The following HMGN3 variants were observed in gnomAD, a reference collection of about 807,000 sequenced individuals.
The protein encoded by HMGN3 is high mobility group nucleosome-binding domain-containing protein 3.
HMGN3 carries 6 observed loss-of-function variants against 18.8 expected under a neutral mutation model. The observed-to-expected ratio is 0.32, with a 90% CI of 0.18 to 0.63. The LOEUF (loss-of-function observed/expected upper bound fraction) is 0.63. Among genes scored for constraint, HMGN3 ranks in the 30% least tolerant of loss-of-function variants. The pLI is 0.79. For missense variants in HMGN3, 107 were observed against 114.2 expected (o/e 0.94, Z 0.29); for synonymous variants, 40 against 36.5 (o/e 1.10, Z -0.35).
chr6:79,216,422 G>A (rs1776986296), intron 1 of HMGN3, among the ~76,000 whole-genome samples: 1 of 152,070 alleles, frequency 6.6e-6, no homozygotes, highest in African/African-American at 2.4e-5. Context: ...AAAAATGTAC[G>A]CAAAACAAAG....
At chr6:79,201,782 A>G in intron 5 of HMGN3, 56 bp from the exon 7 acceptor site, 2 of 1,584,920 alleles carry the variant, frequency 1.3e-6, no homozygotes, top group Non-Finnish European at 1.7e-6. Context: ...TACTATAAGC[A>G]AAGGAAATTC....
At chr6:79,233,320 AGTGGGGTAGGAGACAAG>A (rs1341556048) in intron 1 of HMGN3, among the ~76,000 whole-genome samples, 2 of 152,242 alleles carry the variant, frequency 1.3e-5, no homozygotes, top group African/African-American at 4.8e-5. Context: ...ATTTTTAAAA[AGTGGGGTAGGAGACAAG>A]TTTCTACCCA....
At chr6:79,212,686 A>G (rs541195635) in intron 2 of HMGN3, among the ~76,000 whole-genome samples, 1 of 152,348 alleles carries the variant, frequency 6.6e-6, no homozygotes, top group Admixed American at 6.5e-5. Context: ...CTGAAGTACT[A>G]TCTTCTGCAC....
intron 3 of HMGN3, among the ~76,000 whole-genome samples, chr6:79,206,590 TG>T (rs1776431725): frequency 6.6e-6 from 1 of 152,208 alleles, no homozygotes; most frequent in Admixed American, 6.5e-5. Context: ...AGGCAGACGT[TG>T]TTGCAGAGGC....
intron 1 of HMGN3, among the ~76,000 whole-genome samples, chr6:79,225,574 T>C (rs1272557137): frequency 6.6e-6 from 1 of 152,240 alleles, no homozygotes; most frequent in Admixed American, 6.5e-5. Flanking sequence ...TATGCAAGCG[T>C]ATTTACATGT....
intron 1 of HMGN3, among the ~76,000 whole-genome samples, chr6:79,230,167 GTGA>G (rs1777771238): frequency 6.6e-6 from 1 of 152,098 alleles, no homozygotes; most frequent in Non-Finnish European, 1.5e-5. Context: ...ATCATGCTGA[GTGA>G]AAAAATCAGT....
chr6:79,218,254 G>C (rs1342979195), intron 1 of HMGN3, among the ~76,000 whole-genome samples: 1 of 152,120 alleles, frequency 6.6e-6, no homozygotes, highest in East Asian at 1.9e-4. Context: ...TGCTCAATTA[G>C]ATTTTAAGAC....
intron 4 of HMGN3, among the ~76,000 whole-genome samples, chr6:79,203,332 C>G (rs1356338668): frequency 1.3e-5 from 2 of 152,164 alleles, no homozygotes; most frequent in East Asian, 3.9e-4. Flanking sequence ...AGGCTGCTGC[C>G]AAACCCCCTT....
At chr6:79,207,803 G>C (rs1270633599) in intron 3 of HMGN3, among the ~76,000 whole-genome samples, 2 of 151,932 alleles carry the variant, frequency 1.3e-5, no homozygotes, top group Non-Finnish European at 2.9e-5. Context: ...GCTAGTATGG[G>C]GATATACTAA....
intron 1 of HMGN3, among the ~76,000 whole-genome samples, chr6:79,231,632 T>C (rs1429697313): frequency 1.3e-5 from 2 of 152,356 alleles, no homozygotes; most frequent in Non-Finnish European, 2.9e-5. Context: ...GATGATATTA[T>C]AGCCCTGAAG....
intron 4 of HMGN3, 148 bp from the exon 5 acceptor site, chr6:79,202,537 TG>T: frequency 1.5e-6 from 1 of 677,652 alleles, no homozygotes; most frequent in South Asian, 1.8e-5. Context: ...CTAATTTTGC[TG>T]GGTTTCAACT....
chr6:79,232,691 A>G (rs891492385), intron 1 of HMGN3, among the ~76,000 whole-genome samples: 4 of 152,056 alleles, frequency 2.6e-5, no homozygotes, highest in Non-Finnish European at 1.5e-5. Flanking sequence ...TTGAATAAAC[A>G]GCAAGGAAGG....
At chr6:79,234,437 C>G in intron 1 of HMGN3, 109 bp downstream of exon 1, 2 of 1,029,078 alleles carry the variant, frequency 1.9e-6, no homozygotes, top group Non-Finnish European at 3.0e-6. Flanking sequence ...GCAAAGATTC[C>G]CAATCCCCGG....
intron 1 of HMGN3, among the ~76,000 whole-genome samples, chr6:79,228,175 T>A (rs774826721): frequency 5.3e-5 from 8 of 152,212 alleles, no homozygotes; most frequent in Non-Finnish European, 1.2e-4. Context: ...TATCACTTTC[T>A]GGCATGAATT....
chr6:79,205,946 T>G (rs1776402819), intron 3 of HMGN3, among the ~76,000 whole-genome samples: 1 of 152,200 alleles, frequency 6.6e-6, no homozygotes, highest in African/African-American at 2.4e-5. Context: ...CTTGTTACGT[T>G]TTAGCAAAGA....
At chr6:79,206,847 C>T (rs996277198) in intron 3 of HMGN3, among the ~76,000 whole-genome samples, 22 of 152,198 alleles carry the variant, frequency 1.4e-4, no homozygotes, top group African/African-American at 5.1e-4. Flanking sequence ...GCCACAGGGG[C>T]GGAGTTACCC....
chr6:79,234,309 G>A (rs1319024093), intron 1 of HMGN3: 2 of 406,810 alleles, frequency 4.9e-6, no homozygotes, highest in Non-Finnish European at 8.8e-6. Flanking sequence ...AGTTCAAAAA[G>A]AAGGGAAACC....
Position 79,202,056 on chromosome 6 carries a change from C to A in HMGN3, c.261+220G>T. ...AAACATGCAGAATTTTCTACTGTACCCTTAACTCTCACTGTTTCAATCTGC... is the reference window on the plus strand; with the variant it reads ...AAACATGCAGAATTTTCTACTGTACACTTAACTCTCACTGTTTCAATCTGC... On this transcript the variant is annotated intron_variant, in intron 5 of 5. Coordinates refer to ENST00000344726, the Ensembl canonical transcript of HMGN3. 6.5e-7 allele frequency: 1 copy of A among 1,536,564 alleles called. No individual in the cohort carries two copies. Among genetic ancestry groups the A allele is most frequent in the Non-Finnish European group, 8.7e-7 (1 of 1,146,892 alleles).
At chr6:79,217,924 G>A (rs964089517) in intron 1 of HMGN3, among the ~76,000 whole-genome samples, 1 of 152,184 alleles carries the variant, frequency 6.6e-6, no homozygotes, top group Non-Finnish European at 1.5e-5. Flanking sequence ...AGAGTTAGAC[G>A]GGATGCAGGG....
Sources: gnomAD v4.1 joint callset for allele counts (sites outside exome capture counted in the v4.1 genomes callset) on GRCh38, gnomAD v4.1.1 for gene constraint, MANE v1.5 for transcripts, NCBI Gene and HGNC (gene_info 2026-07-23, HGNC 2026-07-21) for gene names.